The following C14orf39 variants were observed in gnomAD, a reference collection of about 807,000 sequenced individuals.
The protein encoded by C14orf39 is protein SIX6OS1.
In C14orf39, 66 loss-of-function variants were observed where a neutral mutation model predicts 85.6. The observed-to-expected ratio is 0.77, with a 90% CI of 0.63 to 0.95. C14orf39 has a LOEUF of 0.95. C14orf39 is among the 40% of genes least tolerant of loss of function. The probability of loss-of-function intolerance (pLI) is 0.00; values close to 1 mark genes in which losing one functional copy is unlikely to be tolerated. For missense variants in C14orf39, 735 were observed against 663.9 expected, an observed-to-expected ratio of 1.11 and a Z score of -1.18; for synonymous variants, 242 against 214.0, an observed-to-expected ratio of 1.13 and a Z score of -1.14.
At chr14:60,472,338 G>A (rs1177084675) in intron 5 of C14orf39, among the ~76,000 whole-genome samples, 1 of 152,024 alleles carries the variant, frequency 6.6e-6, no homozygotes, top group Non-Finnish European at 1.5e-5. Flanking sequence ...GTAGTGGATG[G>A]TCATCTATTT....
intron 13 of C14orf39, 67 bp downstream of exon 13, chr14:60,461,287 C>G: frequency 1.5e-6 from 2 of 1,339,674 alleles, no homozygotes; most frequent in Non-Finnish European, 2.1e-6. Flanking sequence ...ATTTATTTGA[C>G]TAATGTAAAA....
chr14:60,493,088 G>A (rs1893015471), intron 2 of C14orf39, among the ~76,000 whole-genome samples: 1 of 152,152 alleles, frequency 6.6e-6, no homozygotes, highest in Non-Finnish European at 1.5e-5. Flanking sequence ...CATTCAGGAA[G>A]ATGAAGGCAA....
At chr14:60,504,796 C>G (rs1893183814) in intron 1 of C14orf39, among the ~76,000 whole-genome samples, 1 of 152,204 alleles carries the variant, frequency 6.6e-6, no homozygotes, top group Non-Finnish European at 1.5e-5. Context: ...AATTTGTCAT[C>G]TACTCTTTGG....
intron 11 of C14orf39, among the ~76,000 whole-genome samples, chr14:60,465,437 T>G (rs1400819520): frequency 6.6e-6 from 1 of 152,112 alleles, no homozygotes. Context: ...CTCTCTCACC[T>G]AAACTTCCAT....
chr14:60,456,242 A>T lies in C14orf39; in HGVS notation c.1358+675T>A, dbSNP rs73305301. 1.7e-3 allele frequency among the ~76,000 whole-genome samples: 254 copies of T among 152,184 alleles called. 2 individuals are homozygous for T. Among genetic ancestry groups the T allele is most frequent in the African/African-American group, 5.8e-3 (240 of 41,534 alleles). The stretch of plus-strand genomic sequence containing the variant: ...TGCAGCACTATTTTCTTGGCTGCAA[A>T]CTACAAATACGTGGTTTCCAAAATT... On this transcript the variant is annotated intron_variant, in intron 15 of 17. Coordinates refer to ENST00000321731, the MANE Select transcript of C14orf39 (RefSeq NM_174978.3).
intron 8 of C14orf39, 41 bp downstream of exon 8, chr14:60,469,492 A>G (rs761196041): frequency 5.2e-5 from 45 of 864,248 alleles, no homozygotes; most frequent in Non-Finnish European, 6.9e-5. Flanking sequence ...TTATACTTAT[A>G]CATTAATACA....
rs1174332037 is a variant in C14orf39 at position 60,436,434 on chromosome 14, T to G, written c.*411A>C. The G allele has an allele frequency of 6.4e-6, 1 of 155,398 alleles. No homozygotes were observed. The highest frequency in any genetic ancestry group is 6.5e-5 in the Admixed American group (1 of 15,454). The allele number at this position is 155,398 out of a possible 1,614,324, so 9.6% of individuals were successfully genotyped here. On this transcript the variant is annotated 3_prime_UTR_variant, in exon 18 of 18. Transcript: ENST00000321731. The stretch of plus-strand genomic sequence containing the variant: ...AACCCAATAATTTTAATAGAAATTT[T>G]TAGTAGCTAAAGTACGCTTCAGCAC...
intron 5 of C14orf39, among the ~76,000 whole-genome samples, chr14:60,475,963 T>A (rs1175941823): frequency 1.3e-5 from 2 of 152,088 alleles, no homozygotes; most frequent in African/African-American, 4.8e-5. Context: ...CTTAGCAGAT[T>A]AGAAAAGAGC....
chr14:60,455,136 A>T lies in C14orf39; in HGVS notation c.1368T>A (p.Asn456Lys), dbSNP rs1270267930. 1 of 1,555,678 alleles carries T rather than the reference A, an allele frequency of 6.4e-7. No homozygotes were observed. The highest frequency in any genetic ancestry group is 1.4e-5 in the African/African-American group (1 of 70,542). The change falls in exon 16 of 18, where the codon AAT becomes AAA. Residue 456 changes from asparagine (N) to lysine (K), a missense_variant. Coordinates refer to ENST00000321731, the MANE Select transcript of C14orf39 (RefSeq NM_174978.3). ...TTTGAACTTCAGGTACTGCATTTCT[A>T]TTTCTGTTACTGAGAAATAAGAAAT... ...PKTPPFEINRNRNAVPEVQTE... is the reference protein window; with the variant it reads ...PKTPPFEINRKRNAVPEVQTE...
chr14:60,442,008 G>C, intron 17 of C14orf39, 66 bp downstream of exon 17: 1 of 1,092,168 alleles, frequency 9.2e-7, no homozygotes, highest in South Asian at 1.5e-5. Context: ...AAATAAGTTA[G>C]AGAAACTAAA....
intron 16 of C14orf39, among the ~76,000 whole-genome samples, chr14:60,446,303 C>T (rs1595443661): frequency 1.3e-5 from 2 of 152,042 alleles, no homozygotes; most frequent in Non-Finnish European, 1.5e-5. Flanking sequence ...AGACTGCTAG[C>T]AAGACTAGTA....
intron 2 of C14orf39, chr14:60,494,153 G>T: frequency 3.1e-6 from 1 of 318,934 alleles, no homozygotes. Context: ...GAATTTCCTT[G>T]GGAAACATTT....
chr14:60,456,895 T>C, intron 15 of C14orf39, 22 bp downstream of exon 15: 3 of 1,521,286 alleles, frequency 2.0e-6, no homozygotes, highest in Non-Finnish European at 2.7e-6. Context: ...AATTTAACAA[T>C]AGTTATTAAT....
chr14:60,483,871 A>C (rs1364290894), intron 3 of C14orf39, 54 bp from the exon 4 acceptor site: 2 of 1,277,372 alleles, frequency 1.6e-6, no homozygotes, highest in Non-Finnish European at 2.2e-6. Context: ...GTTCAAAATA[A>C]ACAAATAGAG....
intron 1 of C14orf39, chr14:60,509,786 C>G (rs1383480571): frequency 1.4e-5 from 23 of 1,613,108 alleles, no homozygotes; most frequent in Non-Finnish European, 1.9e-5. Context: ...GGACGGCGAA[C>G]AGAAGACACA....
intron 1 of C14orf39, chr14:60,511,328 T>G: frequency 1.3e-5 from 19 of 1,488,658 alleles, no homozygotes; most frequent in Non-Finnish European, 1.5e-5. Flanking sequence ...GGGAAGAAGA[T>G]GAGAGACCTG....
At chr14:60,514,183 C>A (rs573409071) in intron 1 of C14orf39, among the ~76,000 whole-genome samples, 60 of 152,172 alleles carry the variant, frequency 3.9e-4, no homozygotes, top group African/African-American at 1.4e-3. Context: ...TAAAGGGTTT[C>A]TTTTTAAGAC....
At chr14:60,476,754 G>C (rs1892397225) in intron 5 of C14orf39, among the ~76,000 whole-genome samples, 1 of 152,090 alleles carries the variant, frequency 6.6e-6, no homozygotes, top group Non-Finnish European at 1.5e-5. Flanking sequence ...CTGTGTTTGG[G>C]GCTGGGGGAG....
At chr14:60,459,499 G>A (rs1891424736) in intron 13 of C14orf39, among the ~76,000 whole-genome samples, 1 of 151,444 alleles carries the variant, frequency 6.6e-6, no homozygotes, top group Non-Finnish European at 1.5e-5. Flanking sequence ...TTGTCATTCT[G>A]AATTACTCCA....
Sources: gnomAD v4.1 joint callset for allele counts (sites outside exome capture counted in the v4.1 genomes callset) on GRCh38, gnomAD v4.1.1 for gene constraint, MANE v1.5 for transcripts, NCBI Gene and HGNC (gene_info 2026-07-23, HGNC 2026-07-21) for gene names.